The following SPOCK1 variants were observed in gnomAD, a reference collection of about 807,000 sequenced individuals.
SPOCK1 encodes SPARC (osteonectin), cwcv and kazal like domains proteoglycan 1.
SPOCK1 carries 23 observed loss-of-function variants against 55.3 expected under a neutral mutation model. That is an observed-to-expected ratio of 0.42 (90% CI 0.30 to 0.59). The LOEUF (loss-of-function observed/expected upper bound fraction) is 0.59, where lower values mean the gene tolerates loss of function less well. Ranked by LOEUF, SPOCK1 falls within the 20% of genes least tolerant of loss-of-function variation. The pLI is 0.22. For synonymous variants in SPOCK1, 226 were observed against 221.0 expected (o/e 1.02, Z -0.20); for missense variants, 499 against 552.5 (o/e 0.90, Z 0.97).
intron 6 of SPOCK1, among the ~76,000 whole-genome samples, chr5:137,035,296 T>C (rs1751862934): frequency 2.0e-5 from 3 of 152,204 alleles, no homozygotes; most frequent in Admixed American, 1.3e-4. Flanking sequence ...CCCCAGCGGA[T>C]GGCAGCTGTC....
intron 2 of SPOCK1, among the ~76,000 whole-genome samples, chr5:137,366,145 T>C (rs1318209583): frequency 2.0e-5 from 3 of 152,138 alleles, no homozygotes; most frequent in Non-Finnish European, 4.4e-5. Context: ...TTTTGCACTT[T>C]AGTCAAGAAT....
At chr5:137,154,433 C>T (rs980538435) in intron 3 of SPOCK1, among the ~76,000 whole-genome samples, 9 of 152,166 alleles carry the variant, frequency 5.9e-5, no homozygotes, top group Non-Finnish European at 1.3e-4. Context: ...AGGAACAGTG[C>T]AATCCCAGGA....
intron 3 of SPOCK1, among the ~76,000 whole-genome samples, chr5:137,178,198 G>A (rs1288255811): frequency 6.6e-6 from 1 of 152,154 alleles, no homozygotes; most frequent in African/African-American, 2.4e-5. Context: ...ACATTTGTTT[G>A]GTTATTTCAC....
intron 5 of SPOCK1, among the ~76,000 whole-genome samples, chr5:137,087,869 C>T (rs554618123): frequency 1.9e-5 from 1 of 52,792 alleles, no homozygotes; most frequent in Non-Finnish European, 4.8e-5. Context: ...AAGGGAAACA[C>T]AGGGGTGGGC....
In SPOCK1 at chr5:136,992,566, G is replaced by A; in HGVS notation, c.624C>T (p.Ser208=). The A allele has an allele frequency of 6.2e-7, 1 of 1,613,882 alleles. No homozygotes were observed. The highest frequency in any genetic ancestry group is 1.1e-5 in the South Asian group (1 of 91,056). Reference sequence around the variant, plus strand: ...GAGCTCCAAACCAATCCTTCAGCCGGGAGGCAAGGTTCCGCAACTCCTTGT... The same window carrying A: ...GAGCTCCAAACCAATCCTTCAGCCGAGAGGCAAGGTTCCGCAACTCCTTGT... ...CTDKELRNLA[S]RLKDWFGALH... is the part of the protein sequence containing the mutation. Residue 208 remains serine (S), a synonymous_variant, in exon 7 of 11, where the codon TCC becomes TCT. Coordinates refer to ENST00000394945, the MANE Select transcript of SPOCK1 (RefSeq NM_004598.4).
chr5:137,250,941 C>A (rs1438204023), intron 3 of SPOCK1, among the ~76,000 whole-genome samples: 2 of 152,150 alleles, frequency 1.3e-5, no homozygotes, highest in Non-Finnish European at 2.9e-5. Flanking sequence ...CTGGGACATA[C>A]CCTACACACC....
intron 3 of SPOCK1, among the ~76,000 whole-genome samples, chr5:137,199,493 G>A (rs536669927): frequency 4.2e-4 from 64 of 152,198 alleles, no homozygotes; most frequent in South Asian, 4.2e-3. Flanking sequence ...CTCTGTGGCC[G>A]CTACTGAAAC....
intron 2 of SPOCK1, among the ~76,000 whole-genome samples, chr5:137,454,969 T>G (rs935035130): frequency 4.7e-4 from 71 of 152,160 alleles, no homozygotes; most frequent in African/African-American, 1.7e-3. Flanking sequence ...AAATAATACA[T>G]GAGAAAATGG....
chr5:137,320,713 C>A (rs1166879482), intron 2 of SPOCK1, among the ~76,000 whole-genome samples: 1 of 152,198 alleles, frequency 6.6e-6, no homozygotes, highest in Non-Finnish European at 1.5e-5. Context: ...GAAAAGATTT[C>A]TCTCCCCAAA....
At chr5:137,379,101 C>A (rs1465997159) in intron 2 of SPOCK1, among the ~76,000 whole-genome samples, 1 of 152,062 alleles carries the variant, frequency 6.6e-6, no homozygotes, top group African/African-American at 2.4e-5. Flanking sequence ...AAACACTCTC[C>A]CATCACCAGC....
chr5:137,332,918 GGA>G lies in SPOCK1; in HGVS notation c.187-65865_187-65864del, dbSNP rs1758213289. ...GCAAAAATGAGGGAGAGTCCAAGAG[GGA>G]GAGATGAGGTTACCCAGGGAAAATG... is the stretch of plus-strand genomic sequence containing the variant. On this transcript the variant is annotated intron_variant, in intron 2 of 10. Transcript: ENST00000394945. Among the ~76,000 whole-genome samples the G allele has an allele frequency of 3.9e-5, 6 of 152,262 alleles. No individual in the cohort carries two copies. The South Asian group carries it at 1.2e-3, about 32-fold the overall frequency.
At chr5:137,301,425 T>C (rs1040454033) in intron 2 of SPOCK1, among the ~76,000 whole-genome samples, 1 of 152,134 alleles carries the variant, frequency 6.6e-6, no homozygotes, top group Non-Finnish European at 1.5e-5. Context: ...TAGTACCATA[T>C]TCTGCCAACA....
At chr5:137,329,942 C>T (rs1203743915) in intron 2 of SPOCK1, among the ~76,000 whole-genome samples, 1 of 152,126 alleles carries the variant, frequency 6.6e-6, no homozygotes, top group Non-Finnish European at 1.5e-5. Context: ...AAGACAGGCT[C>T]CCCTGGCCCT....
At chr5:137,419,930 C>T (rs973763306) in intron 2 of SPOCK1, among the ~76,000 whole-genome samples, 1 of 152,160 alleles carries the variant, frequency 6.6e-6, no homozygotes, top group African/African-American at 2.4e-5. Flanking sequence ...ATGATATTGG[C>T]TGTGGGTTTG....
At chr5:137,405,236 T>C (rs1317780697) in intron 2 of SPOCK1, among the ~76,000 whole-genome samples, 2 of 152,182 alleles carry the variant, frequency 1.3e-5, no homozygotes, top group African/African-American at 2.4e-5. Flanking sequence ...GAAATCAACC[T>C]GAAATGATTT....
At chr5:137,153,019 G>T (rs1015249603) in intron 3 of SPOCK1, among the ~76,000 whole-genome samples, 1 of 152,212 alleles carries the variant, frequency 6.6e-6, no homozygotes, top group Admixed American at 6.5e-5. Flanking sequence ...ACTAAAGACA[G>T]TGTCTATCCT....
At chr5:137,258,662 A>T (rs1756686210) in intron 3 of SPOCK1, among the ~76,000 whole-genome samples, 1 of 152,224 alleles carries the variant, frequency 6.6e-6, no homozygotes, top group Non-Finnish European at 1.5e-5. Flanking sequence ...CAGGTGGATT[A>T]ACAGGAAGGT....
intron 6 of SPOCK1, among the ~76,000 whole-genome samples, chr5:137,056,560 C>T (rs1009069905): frequency 6.6e-6 from 1 of 151,752 alleles, no homozygotes; most frequent in Admixed American, 6.6e-5. Context: ...AGGGGTAGTT[C>T]CATAGGATTA....
intron 2 of SPOCK1, among the ~76,000 whole-genome samples, chr5:137,350,911 C>T (rs552335317): frequency 2.6e-4 from 40 of 152,104 alleles, no homozygotes; most frequent in Non-Finnish European, 5.1e-4. Flanking sequence ...TTTCAAGGGA[C>T]ATGAGTTTCT....
Sources: allele counts gnomAD v4.1 joint callset (sites outside exome capture counted in the v4.1 genomes callset), GRCh38; gene constraint gnomAD v4.1.1; transcripts MANE v1.5; gene names NCBI Gene and HGNC (gene_info 2026-07-23, HGNC 2026-07-21).